The following SGCD variants were observed in gnomAD, a reference collection of about 807,000 sequenced individuals.
The protein encoded by SGCD is delta-sarcoglycan.
SGCD carries 18 observed loss-of-function variants against 36.6 expected under a neutral mutation model. That is an observed-to-expected ratio of 0.49 (90% CI 0.34 to 0.73). SGCD has a LOEUF of 0.73. Among genes scored for constraint, SGCD ranks in the 30% least tolerant of loss-of-function variants. The probability of loss-of-function intolerance (pLI) is 0.01; values close to 1 mark genes in which losing one functional copy is unlikely to be tolerated. For synonymous variants in SGCD, 133 were observed against 130.6 expected, an observed-to-expected ratio of 1.02 and a Z score of -0.12; for missense variants, 387 against 346.7, an observed-to-expected ratio of 1.12 and a Z score of -0.92.
intron 3 of SGCD, among the ~76,000 whole-genome samples, chr5:156,204,857 G>T (rs542336701): frequency 6.6e-6 from 1 of 151,958 alleles, no homozygotes; most frequent in East Asian, 1.9e-4. Context: ...CTTATAATTC[G>T]AGTGTAAACT....
chr5:156,528,136 G>A (rs1286121548), intron 4 of SGCD, among the ~76,000 whole-genome samples: 1 of 152,174 alleles, frequency 6.6e-6, no homozygotes, highest in Non-Finnish European at 1.5e-5. Flanking sequence ...TTTGGGAGCA[G>A]GATCTGGAAT....
chr5:156,447,156 T>C (rs1753785602), intron 3 of SGCD, among the ~76,000 whole-genome samples: 1 of 152,160 alleles, frequency 6.6e-6, no homozygotes, highest in Non-Finnish European at 1.5e-5. Flanking sequence ...ACAGAACAGA[T>C]TCTTCAGTGA....
At chr5:155,959,878 C>T (rs538519076) in intron 1 of SGCD, among the ~76,000 whole-genome samples, 4 of 152,138 alleles carry the variant, frequency 2.6e-5, no homozygotes, top group African/African-American at 9.6e-5. Context: ...AGAGAGGTTA[C>T]CTGATTTTTT....
chr5:155,768,986 A>G, the SGCD span, among the ~76,000 whole-genome samples: 1 of 152,170 alleles, frequency 6.6e-6, no homozygotes, highest in Admixed American at 6.5e-5. Context: ...AGTATTGCTT[A>G]TGATAACAAC....
intron 4 of SGCD, among the ~76,000 whole-genome samples, chr5:156,579,907 A>G (rs980382962): frequency 2.0e-5 from 3 of 152,136 alleles, no homozygotes; most frequent in Non-Finnish European, 4.4e-5. Context: ...AATTTAGCCC[A>G]TTTACATTTA....
the SGCD span, among the ~76,000 whole-genome samples, chr5:155,846,725 G>C: frequency 4.6e-5 from 7 of 152,250 alleles, no homozygotes; most frequent in Admixed American, 1.3e-4. Context: ...ACAATTCTCT[G>C]TATAACACAA....
chr5:156,146,055 T>G (rs1203181639), intron 3 of SGCD, among the ~76,000 whole-genome samples: 1 of 151,872 alleles, frequency 6.6e-6, no homozygotes, highest in Non-Finnish European at 1.5e-5. Flanking sequence ...CTACTAAAAA[T>G]ACAAAAAATT....
chr5:155,751,727 AAAAG>A, the SGCD span, among the ~76,000 whole-genome samples: 9,160 of 151,994 alleles, frequency 0.06, 353 homozygotes, highest in Middle Eastern at 0.14. Context: ...AAAAAAAGAA[AAAAG>A]AAAAACACAC....
intron 3 of SGCD, among the ~76,000 whole-genome samples, chr5:156,412,787 CTTTTT>C (rs35464853): frequency 2.9e-5 from 3 of 105,030 alleles, no homozygotes; most frequent in African/African-American, 3.9e-5. Context: ...AGGGTTGGTT[CTTTTT>C]TTTTTTTTTT....
chr5:155,758,855 T>G, the SGCD span, among the ~76,000 whole-genome samples: 3 of 152,214 alleles, frequency 2.0e-5, no homozygotes, highest in African/African-American at 4.8e-5. Context: ...TCTTTCTTGA[T>G]GGATAAGACA....
chr5:155,904,645 G>T (rs1017642340), intron 1 of SGCD, among the ~76,000 whole-genome samples: 3 of 152,114 alleles, frequency 2.0e-5, no homozygotes. Context: ...CTTATGATCT[G>T]CTGAGGGAGA....
intron 2 of SGCD, among the ~76,000 whole-genome samples, chr5:156,118,844 C>T (rs933006300): frequency 3.9e-5 from 6 of 152,110 alleles, no homozygotes; most frequent in Admixed American, 6.6e-5. Flanking sequence ...TATTCATCAG[C>T]GGTTTGTTTG....
intron 1 of SGCD, among the ~76,000 whole-genome samples, chr5:155,936,494 G>T (rs1056837750): frequency 2.6e-5 from 4 of 152,126 alleles, no homozygotes; most frequent in African/African-American, 9.7e-5. Context: ...GCAGAGAGGA[G>T]ACCCTGGAGT....
At chr5:156,572,269 T>G (rs1759754021) in intron 4 of SGCD, among the ~76,000 whole-genome samples, 1 of 152,142 alleles carries the variant, frequency 6.6e-6, no homozygotes, top group African/African-American at 2.4e-5. Flanking sequence ...TACTTAGGAG[T>G]AGAGTTGCTG....
At chr5:156,482,646 T>A (rs922771064) in intron 3 of SGCD, among the ~76,000 whole-genome samples, 3 of 152,138 alleles carry the variant, frequency 2.0e-5, no homozygotes, top group Admixed American at 6.5e-5. Context: ...ATGAGTAAGA[T>A]GATAAATGCC....
At chr5:156,163,975 A>G (rs1763151456) in intron 3 of SGCD, among the ~76,000 whole-genome samples, 1 of 149,166 alleles carries the variant, frequency 6.7e-6, no homozygotes, top group South Asian at 2.1e-4. Flanking sequence ...GTGAGCCGAG[A>G]TCATGCCACT....
intron 3 of SGCD, among the ~76,000 whole-genome samples, chr5:156,266,141 G>A (rs913602018): frequency 6.6e-6 from 1 of 152,164 alleles, no homozygotes; most frequent in African/African-American, 2.4e-5. Context: ...CTTGATCTTG[G>A]TAAAAATAAT....
the SGCD span, among the ~76,000 whole-genome samples, chr5:155,850,370 G>A: frequency 1.6e-4 from 24 of 152,112 alleles, no homozygotes; most frequent in Non-Finnish European, 3.1e-4. Flanking sequence ...GGAAGAAACA[G>A]GGGAATTTTT....
intron 1 of SGCD, among the ~76,000 whole-genome samples, chr5:155,901,136 C>T (rs908697415): frequency 6.6e-6 from 1 of 151,818 alleles, no homozygotes; most frequent in African/African-American, 2.4e-5. Context: ...CAAGGTGAAA[C>T]CCTGTCACTA....
Sources: allele counts gnomAD v4.1 joint callset (sites outside exome capture counted in the v4.1 genomes callset), GRCh38; gene constraint gnomAD v4.1.1; transcripts MANE v1.5; gene names NCBI Gene and HGNC (gene_info 2026-07-23, HGNC 2026-07-21).